The following IPO7 variants were observed in gnomAD, a reference collection of about 807,000 sequenced individuals.
IPO7 encodes importin-7.
A neutral mutation model predicts 136.4 loss-of-function variants in IPO7; 13 were observed. That is an observed-to-expected ratio of 0.10 (90% CI 0.06 to 0.15). The LOEUF (loss-of-function observed/expected upper bound fraction) is 0.15, where lower values mean the gene tolerates loss of function less well. Ranked by LOEUF, IPO7 falls within the 10% of genes least tolerant of loss-of-function variation. The pLI is 1.00. For synonymous variants in IPO7, 403 were observed against 404.4 expected (o/e 1.00, Z 0.04); for missense variants, 857 against 1,240.6 (o/e 0.69, Z 4.65).
rs1468109708 is a variant in IPO7 at position 9,445,212 on chromosome 11, T to G, written c.*18T>G. The G allele has an allele frequency of 6.8e-7, 1 of 1,476,308 alleles. No homozygotes were observed. The highest frequency in any genetic ancestry group is 1.4e-5 in the African/African-American group (1 of 72,262). The allele number at this position is 1,476,308 out of a possible 1,614,324, so 91.5% of individuals were successfully genotyped here. On this transcript the variant is annotated 3_prime_UTR_variant, in exon 25 of 25. Transcript: ENST00000379719. ...TGAATTGAGTTATCTCTTTCTTTCCTGCTGTGTGCTTGTAGTGAAGAGCTT... is the reference window on the plus strand; with the variant it reads ...TGAATTGAGTTATCTCTTTCTTTCCGGCTGTGTGCTTGTAGTGAAGAGCTT...
intron 20 of IPO7, among the ~76,000 whole-genome samples, chr11:9,436,656 GTTTGTTTGTTTTGT>G (rs1435466608): frequency 3.3e-5 from 5 of 149,274 alleles, no homozygotes; most frequent in Non-Finnish European, 1.5e-5. Context: ...CAGTTTTTTT[GTTTGTTTGTTTTGT>G]TTTGTTTGTT....
intron 12 of IPO7, 76 bp downstream of exon 12, chr11:9,425,338 G>T (rs773587600): frequency 1.1e-6 from 1 of 877,940 alleles, no homozygotes. Flanking sequence ...AGGCACAGTG[G>T]CTCACTTCTA....
chr11:9,411,866 C>T (rs768441693), intron 4 of IPO7, among the ~76,000 whole-genome samples: 1 of 152,108 alleles, frequency 6.6e-6, no homozygotes, highest in Non-Finnish European at 1.5e-5. Context: ...ACTCCCAGTC[C>T]ACTATTCAGG....
At chr11:9,426,319 T>C (rs1045457359) in intron 12 of IPO7, among the ~76,000 whole-genome samples, 2 of 152,208 alleles carry the variant, frequency 1.3e-5, no homozygotes, top group Non-Finnish European at 2.9e-5. Context: ...TGTAATGTTT[T>C]CAAGGATTAT....
At chr11:9,419,289 C>G (rs561399962) in intron 6 of IPO7, among the ~76,000 whole-genome samples, 1 of 152,166 alleles carries the variant, frequency 6.6e-6, no homozygotes, top group East Asian at 1.9e-4. Flanking sequence ...GTGGCTTACG[C>G]CTGTAATCAC....
chr11:9,411,920 T>C (rs1347748728), intron 4 of IPO7, among the ~76,000 whole-genome samples: 1 of 152,220 alleles, frequency 6.6e-6, no homozygotes, highest in Non-Finnish European at 1.5e-5. Context: ...AGAACAAGTA[T>C]TTAAACTCTC....
In IPO7 at chr11:9,437,908, A is replaced by G. The variant is rs1265228715; in HGVS notation, c.2423A>G (p.Asn808Ser). The change falls in exon 21 of 25, where the codon AAT becomes AGT. Residue 808 changes from asparagine to serine, a missense_variant. Asn to Ser is a conservative substitution (Grantham distance 46, BLOSUM62 1). Coordinates refer to ENST00000379719, the MANE Select transcript of IPO7 (RefSeq NM_006391.3). Reference sequence around the variant, plus strand: ...ACCTTAGAAAATCTTCGCTTCCCTAATAATGTTGAACCAGTTACAAATCAT... The same window carrying G: ...ACCTTAGAAAATCTTCGCTTCCCTAGTAATGTTGAACCAGTTACAAATCAT... ...LNTLENLRFP[N>S]NVEPVTNHFI... 3 of 1,613,858 alleles carry G rather than the reference A, an allele frequency of 1.9e-6. No homozygotes were observed. In the South Asian group the frequency reaches 3.3e-5, roughly 18 times the overall value.
chr11:9,435,671 T>C (rs1272013899), intron 19 of IPO7, among the ~76,000 whole-genome samples: 1 of 152,212 alleles, frequency 6.6e-6, no homozygotes, highest in African/African-American at 2.4e-5. Flanking sequence ...AGCAGAGATA[T>C]ACCTATACTA....
chr11:9,423,694 C>G (rs1855165123), intron 9 of IPO7, 83 bp from the exon 10 acceptor site: 1 of 802,352 alleles, frequency 1.2e-6, no homozygotes, highest in Admixed American at 2.4e-5. Flanking sequence ...TATAGTGTTA[C>G]TTTGGTTTTA....
At chr11:9,427,309 G>C (rs1387798966) in intron 12 of IPO7, among the ~76,000 whole-genome samples, 2 of 152,076 alleles carry the variant, frequency 1.3e-5, no homozygotes, top group Non-Finnish European at 2.9e-5. Flanking sequence ...TATACAGGTT[G>C]GAGTGCAGTG....
intron 2 of IPO7, among the ~76,000 whole-genome samples, chr11:9,405,703 G>A (rs556182832): frequency 3.9e-5 from 6 of 152,218 alleles, no homozygotes; most frequent in Non-Finnish European, 8.8e-5. Flanking sequence ...GATTATGGGC[G>A]TGAGCCACCA....
At chr11:9,394,254 G>T (rs762337850) in intron 1 of IPO7, among the ~76,000 whole-genome samples, 17 of 152,122 alleles carry the variant, frequency 1.1e-4, no homozygotes, top group Non-Finnish European at 1.9e-4. Flanking sequence ...GTTAGTGAGT[G>T]GAATGCTAGT....
rs1236786411 is a variant in IPO7 at position 9,440,054 on chromosome 11, CAG to C, written c.2696-400_2696-399del. Among the ~76,000 whole-genome samples, 4 of 152,124 alleles carry C rather than the reference CAG, an allele frequency of 2.6e-5. No homozygotes were observed. In the East Asian group the frequency reaches 7.7e-4, roughly 29 times the overall value. On this transcript the variant is annotated intron_variant, in intron 22 of 24. Coordinates refer to ENST00000379719, the MANE Select transcript of IPO7 (RefSeq NM_006391.3). ...TTTTATCTATAAGACTGTACACTAT[CAG>C]TGTATAAATTGATAAAATATTAAGA...
intron 2 of IPO7, among the ~76,000 whole-genome samples, chr11:9,407,722 A>G (rs918025485): frequency 6.6e-6 from 1 of 152,214 alleles, no homozygotes; most frequent in African/African-American, 2.4e-5. Flanking sequence ...AGAATTGCTA[A>G]TTAGAGAAGA....
intron 1 of IPO7, among the ~76,000 whole-genome samples, chr11:9,401,273 T>C (rs1007139159): frequency 2.0e-5 from 3 of 151,892 alleles, no homozygotes; most frequent in African/African-American, 7.3e-5. Flanking sequence ...GATGACAGTA[T>C]AAGTGGTGGT....
intron 1 of IPO7, among the ~76,000 whole-genome samples, chr11:9,399,537 G>T (rs1473288366): frequency 6.6e-6 from 1 of 152,180 alleles, no homozygotes; most frequent in Admixed American, 6.6e-5. Context: ...GAGGAAGGTG[G>T]TGAGGATTAC....
intron 17 of IPO7, 35 bp downstream of exon 17, chr11:9,433,671 C>A: frequency 6.2e-7 from 1 of 1,612,494 alleles, no homozygotes; most frequent in Non-Finnish European, 8.5e-7. Flanking sequence ...GAATTTAGTG[C>A]TATTTCACAT....
At chr11:9,434,614 G>A (rs764279618) in intron 18 of IPO7, among the ~76,000 whole-genome samples, 3 of 152,132 alleles carry the variant, frequency 2.0e-5, no homozygotes, top group Non-Finnish European at 4.4e-5. Context: ...TGGGCTATTA[G>A]ACCCTGTCTC....
chr11:9,442,408 T>TTTTTG (rs1554956752), intron 24 of IPO7, among the ~76,000 whole-genome samples: 21 of 151,984 alleles, frequency 1.4e-4, no homozygotes, highest in African/African-American at 5.1e-4. Flanking sequence ...TTTCGTTTTT[T>TTTTTG]TTTGTTTGTT....
Sources: allele counts gnomAD v4.1 joint callset (sites outside exome capture counted in the v4.1 genomes callset), GRCh38; gene constraint gnomAD v4.1.1; transcripts MANE v1.5; gene names NCBI Gene and HGNC (gene_info 2026-07-23, HGNC 2026-07-21).